CCNB3: variants seen among roughly 807,000 people sequenced by gnomAD.
CCNB3 encodes cyclin B3, also known as G2/mitotic-specific cyclin-B3.
CCNB3 carries 12 observed loss-of-function variants against 68.0 expected under a neutral mutation model. The observed-to-expected ratio is 0.18, with a 90% confidence interval of 0.11 to 0.29. The LOEUF (loss-of-function observed/expected upper bound fraction) is 0.29, where lower values mean the gene tolerates loss of function less well. Ranked by LOEUF, CCNB3 falls within the 10% of genes least tolerant of loss-of-function variation. CCNB3 has a pLI of 1.00. For synonymous variants in CCNB3, 354 were observed against 388.9 expected, an observed-to-expected ratio of 0.91 and a Z score of 1.06; for missense variants, 904 against 993.1, an observed-to-expected ratio of 0.91 and a Z score of 1.21.
At chrX:50,305,210 A>G (rs782359622) in intron 5 of CCNB3, among the ~76,000 whole-genome samples, 45 of 111,986 alleles carry the variant, frequency 4.0e-4, no homozygotes, top group Non-Finnish European at 6.4e-4. Context: ...GCACATATAT[A>G]TTTATTGCAG....
intron 1 of CCNB3, among the ~76,000 whole-genome samples, chrX:50,227,130 A>G (rs1242985121): frequency 1.2e-5 from 1 of 82,000 alleles, no homozygotes; most frequent in Non-Finnish European, 2.2e-5. Flanking sequence ...ATATATACAA[A>G]AATATATAGA....
intron 1 of CCNB3, among the ~76,000 whole-genome samples, chrX:50,214,475 C>CTTATATATATATATATATATAT: frequency 1.1e-4 from 1 of 9,490 alleles, no homozygotes; most frequent in Admixed American, 2.6e-3. Context: ...AGCTGTGGCC[C>CTTATATATATATATATATATAT]ATATATATAT....
chrX:50,298,698 G>A (rs1936541903), intron 5 of CCNB3, among the ~76,000 whole-genome samples: 1 of 111,519 alleles, frequency 9.0e-6, no homozygotes, highest in South Asian at 3.8e-4. Flanking sequence ...AATAGTTTCA[G>A]AAGGAATGGT....
chrX:50,337,347 C>T (rs1399252707), intron 8 of CCNB3, among the ~76,000 whole-genome samples: 3 of 110,668 alleles, frequency 2.7e-5, no homozygotes, highest in African/African-American at 6.6e-5. Flanking sequence ...CTTTTGGTGC[C>T]GACTTCCCTC....
intron 5 of CCNB3, among the ~76,000 whole-genome samples, chrX:50,302,726 G>T (rs1278353862): frequency 2.7e-5 from 3 of 111,735 alleles, no homozygotes; most frequent in Non-Finnish European, 5.6e-5. Flanking sequence ...GTGGTCTTTT[G>T]TGTCTAGCTT....
chrX:50,337,617 T>C (rs1325877593), intron 8 of CCNB3, among the ~76,000 whole-genome samples: 2 of 111,366 alleles, frequency 1.8e-5, no homozygotes, highest in African/African-American at 6.5e-5. Context: ...TAAGTTTTCC[T>C]GGTGTCATAG....
intron 8 of CCNB3, among the ~76,000 whole-genome samples, chrX:50,333,692 A>C (rs1922714006): frequency 9.0e-6 from 1 of 110,960 alleles, no homozygotes; most frequent in African/African-American, 3.3e-5. Context: ...GCATGGAAGA[A>C]GTCTTTTTCT....
chrX:50,301,987 G>A (rs782168403), intron 5 of CCNB3, among the ~76,000 whole-genome samples: 9 of 112,734 alleles, frequency 8.0e-5, no homozygotes, highest in East Asian at 2.8e-4. Flanking sequence ...TTGGAAAAGC[G>A]CAGTATTAGG....
chrX:50,291,392 G>T, intron 4 of CCNB3, among the ~76,000 whole-genome samples: 1 of 111,630 alleles, frequency 9.0e-6, no homozygotes, highest in Middle Eastern at 4.6e-3. Flanking sequence ...CTCCTGAATA[G>T]CTGGGACTAC....
chrX:50,228,606 A>G (rs954879508), intron 1 of CCNB3, among the ~76,000 whole-genome samples: 1 of 86,988 alleles, frequency 1.1e-5, no homozygotes, highest in African/African-American at 4.2e-5. Flanking sequence ...TAATATATAT[A>G]GAATATATAG....
rs781947698 is a variant in CCNB3, at chrX:50,309,114, C to T, written c.945C>T (p.Ser315=). 2.5e-6 allele frequency: 3 copies of T among 1,210,573 alleles called. No individual in the cohort carries two copies. The highest frequency in any genetic ancestry group is 4.3e-5 in the Admixed American group (2 of 46,041). Residue 315 remains serine, a synonymous_variant, in exon 6 of 13, where the codon TCC becomes TCT. Transcript: ENST00000376042. ...LQTTICGAMS[S]IKKPTTEKET... ...CAACCATCTGTGGAGCAATGTCCTC[C>T]ATTAAGAAGCCTACCACTGAGAAGG...
chrX:50,335,097 G>A (rs951845408), intron 8 of CCNB3, among the ~76,000 whole-genome samples: 3 of 111,774 alleles, frequency 2.7e-5, no homozygotes, highest in African/African-American at 6.5e-5. Context: ...GCAGAAGGTC[G>A]TCCGTGTACT....
At chrX:50,343,899 C>T (rs1190153166) in intron 9 of CCNB3, among the ~76,000 whole-genome samples, 1 of 111,495 alleles carries the variant, frequency 9.0e-6, no homozygotes, top group Non-Finnish European at 1.9e-5. Context: ...AATTTAGTGT[C>T]GCCTAATTGT....
chrX:50,210,534 G>T (rs1285185571), intron 1 of CCNB3, among the ~76,000 whole-genome samples: 5 of 111,758 alleles, frequency 4.5e-5, no homozygotes, highest in Non-Finnish European at 9.4e-5. Flanking sequence ...AGGGTGACTT[G>T]TGTTAATGCT....
chrX:50,348,177 T>A (rs1434036229), intron 11 of CCNB3, among the ~76,000 whole-genome samples: 1 of 111,038 alleles, frequency 9.0e-6, no homozygotes, highest in African/African-American at 3.3e-5. Flanking sequence ...TGAAAAGCAC[T>A]GAGCCAGAGA....
At chrX:50,290,656 T>C (rs1413818897) in intron 4 of CCNB3, among the ~76,000 whole-genome samples, 19 of 111,603 alleles carry the variant, frequency 1.7e-4, no homozygotes, top group African/African-American at 6.2e-4. Context: ...ATGAAGTGTA[T>C]CAATAATGGG....
At chrX:50,325,667 A>G (rs1205342216) in intron 8 of CCNB3, among the ~76,000 whole-genome samples, 2 of 111,969 alleles carry the variant, frequency 1.8e-5, no homozygotes, top group Non-Finnish European at 3.8e-5. Flanking sequence ...TGGTCACTTG[A>G]CTGTATTTTA....
At chrX:50,348,183 A>G (rs1923497926) in intron 11 of CCNB3, among the ~76,000 whole-genome samples, 1 of 111,197 alleles carries the variant, frequency 9.0e-6, no homozygotes, top group Admixed American at 9.6e-5. Flanking sequence ...GCACTGAGCC[A>G]GAGAAGAGTA....
chrX:50,300,433 C>A (rs185838155), intron 5 of CCNB3, among the ~76,000 whole-genome samples: 5 of 111,578 alleles, frequency 4.5e-5, no homozygotes, highest in East Asian at 2.8e-4. Context: ...GTTGAAAATT[C>A]TTTTCTTTAA....
Sources: gnomAD v4.1 joint callset for allele counts (sites outside exome capture counted in the v4.1 genomes callset) on GRCh38, gnomAD v4.1.1 for gene constraint, MANE v1.5 for transcripts, NCBI Gene and HGNC (gene_info 2026-07-23, HGNC 2026-07-21) for gene names.